COL27A1: variants seen among roughly 807,000 people sequenced by gnomAD.
COL27A1 encodes the protein collagen type XXVII alpha 1 chain, also known as collagen alpha-1(XXVII) chain.
COL27A1 carries 106 observed loss-of-function variants against 251.3 expected under a neutral mutation model. The observed-to-expected ratio is 0.42, with a 90% CI of 0.36 to 0.50. COL27A1 has a LOEUF of 0.50. Ranked by LOEUF, COL27A1 falls within the 20% of genes least tolerant of loss-of-function variation. The pLI, the probability that COL27A1 is intolerant of heterozygous loss-of-function variation, is 0.00. For missense variants in COL27A1, 2,325 were observed against 2,522.8 expected (o/e 0.92, Z 1.68); for synonymous variants, 1,000 against 986.3 (o/e 1.01, Z -0.26).
intron 10 of COL27A1, among the ~76,000 whole-genome samples, chr9:114,207,187 C>T (rs1489320960): frequency 6.6e-6 from 1 of 152,190 alleles, no homozygotes; most frequent in Non-Finnish European, 1.5e-5. Flanking sequence ...GTATCCTTTG[C>T]TCCTGAGCCA....
At chr9:114,178,262 C>G in intron 3 of COL27A1, 29 bp from the exon 4 acceptor site, 1 of 1,604,488 alleles carries the variant, frequency 6.2e-7, no homozygotes, top group South Asian at 1.1e-5. Context: ...TGGGCACTGT[C>G]TAATGCTGTC....
At chr9:114,239,631 T>C (rs1029609608) in intron 19 of COL27A1, among the ~76,000 whole-genome samples, 6 of 152,164 alleles carry the variant, frequency 3.9e-5, no homozygotes, top group African/African-American at 1.4e-4. Flanking sequence ...GGAAGAACCT[T>C]CTATTGTACA....
rs10982088 is a variant in COL27A1 at position 114,166,444 on chromosome 9, T to C, written c.134-1245T>C. The stretch of plus-strand genomic sequence containing the variant: ...CCATTCATCCATCCATCCATTCATC[T>C]ATCCATCCATCCATCCATCCATCCA... On this transcript the variant is annotated intron_variant, in intron 2 of 60. Coordinates refer to ENST00000356083, the MANE Select transcript of COL27A1 (RefSeq NM_032888.4). Among the ~76,000 whole-genome samples, 12 of 140,950 alleles carry C rather than the reference T, an allele frequency of 8.5e-5. No individual in the cohort carries two copies. The South Asian group carries it at 1.4e-3, about 16-fold the overall frequency. 92.5% of individuals were successfully genotyped at this position (140,950 alleles called of 152,430 possible). A position where few individuals can be genotyped will look rare whatever the true frequency, so the allele number is the denominator to read the frequency against.
intron 24 of COL27A1, 62 bp from the exon 25 acceptor site, chr9:114,250,553 G>A: frequency 6.7e-7 from 1 of 1,486,136 alleles, no homozygotes; most frequent in South Asian, 1.1e-5. Context: ...AGGGGAAGGA[G>A]CGGGAGGGCT....
intron 7 of COL27A1, 37 bp from the exon 8 acceptor site, chr9:114,205,065 C>A (rs754410853): frequency 6.2e-7 from 1 of 1,609,884 alleles, no homozygotes; most frequent in Non-Finnish European, 8.5e-7. Flanking sequence ...CCAGATGTGT[C>A]CTCCCTGCCT....
At chr9:114,180,544 A>T (rs930077567) in intron 4 of COL27A1, among the ~76,000 whole-genome samples, 1 of 152,132 alleles carries the variant, frequency 6.6e-6, no homozygotes, top group African/African-American at 2.4e-5. Flanking sequence ...AATTCCATAG[A>T]TTATAAAATT....
intron 23 of COL27A1, among the ~76,000 whole-genome samples, chr9:114,244,525 C>CAGAT (rs1832980066): frequency 1.3e-5 from 2 of 152,152 alleles, no homozygotes; most frequent in African/African-American, 4.8e-5. Context: ...AAAAGATTGT[C>CAGAT]GGGTCAAGTT....
chr9:114,220,830 C>A (rs1831050726), intron 13 of COL27A1, among the ~76,000 whole-genome samples: 1 of 152,128 alleles, frequency 6.6e-6, no homozygotes, highest in Admixed American at 6.5e-5. Flanking sequence ...CCCGTCTCTA[C>A]TAAAAATACA....
At chr9:114,240,355 A>G in intron 20 of COL27A1, 79 bp from the exon 21 acceptor site, 1 of 1,587,932 alleles carries the variant, frequency 6.3e-7, no homozygotes, top group Admixed American at 1.7e-5. Context: ...CTGGCTTGGA[A>G]GCAGGGGTTG....
At position 114,240,200 on chromosome 9, in the gene COL27A1, T is replaced by G; in HGVS notation, c.2728-20T>G. On this transcript the variant is annotated intron_variant, in intron 19 of 60. Coordinates refer to ENST00000356083, the MANE Select transcript of COL27A1 (RefSeq NM_032888.4). ...CCTTCACAGCCCCCGTGGGTGACCC[T>G]GCTCTCTGCTTCCCCTCAGGGATTC... The G allele has an allele frequency of 6.2e-7, 1 of 1,611,856 alleles. No homozygotes were observed. The highest frequency in any genetic ancestry group is 8.5e-7 in the Non-Finnish European group (1 of 1,178,212).
intron 49 of COL27A1, among the ~76,000 whole-genome samples, chr9:114,296,426 T>C (rs1828261494): frequency 2.0e-5 from 3 of 152,210 alleles, no homozygotes; most frequent in Non-Finnish European, 4.4e-5. Context: ...GAAAGTATAC[T>C]GATAGCAAAT....
intron 23 of COL27A1, among the ~76,000 whole-genome samples, 154 bp from the exon 24 acceptor site, chr9:114,245,712 C>T (rs1234796949): frequency 6.6e-6 from 1 of 152,146 alleles, no homozygotes; most frequent in Non-Finnish European, 1.5e-5. Context: ...TGACTCTGCC[C>T]ATTTGTTGGG....
chr9:114,267,026 T>C (rs1327857797), intron 33 of COL27A1, among the ~76,000 whole-genome samples: 1 of 152,116 alleles, frequency 6.6e-6, no homozygotes, highest in Non-Finnish European at 1.5e-5. Context: ...ACCCCTGCCT[T>C]ATCCAGAGGG....
chr9:114,234,538 T>G (rs1232635805), intron 16 of COL27A1, among the ~76,000 whole-genome samples: 2 of 151,940 alleles, frequency 1.3e-5, no homozygotes, highest in African/African-American at 4.8e-5. Flanking sequence ...CTGTGTGAGG[T>G]GGTTTCGGCC....
intron 5 of COL27A1, among the ~76,000 whole-genome samples, chr9:114,192,036 C>T (rs944254703): frequency 1.3e-5 from 2 of 152,172 alleles, no homozygotes. Context: ...TGGCTTGTAG[C>T]ATCTGTACTT....
In COL27A1 at chr9:114,239,388, C is replaced by T. The variant is rs912312864; in HGVS notation, c.2728-832C>T. ...GGTTCCATTTAAACTTAAGACTAGC[C>T]CTGTAAGGGAGGTGTTACGAGCACC... On this transcript the variant is annotated intron_variant, in intron 19 of 60. Transcript: ENST00000356083. Among the ~76,000 whole-genome samples, 4 of 152,262 alleles carry T rather than the reference C, an allele frequency of 2.6e-5. No homozygotes were observed. In the South Asian group the frequency reaches 8.3e-4, roughly 32 times the overall value.
At chr9:114,288,269 A>G (rs1827652212) in intron 41 of COL27A1, among the ~76,000 whole-genome samples, 186 bp from the exon 42 acceptor site, 1 of 152,148 alleles carries the variant, frequency 6.6e-6, no homozygotes, top group African/African-American at 2.4e-5. Context: ...TCTGTGTTCC[A>G]CAGTCCTGGT....
intron 5 of COL27A1, 23 bp from the exon 6 acceptor site, chr9:114,194,381 A>T (rs1828961068): frequency 5.0e-6 from 8 of 1,613,220 alleles, no homozygotes; most frequent in Non-Finnish European, 5.9e-6. Context: ...TTGGTGGCCA[A>T]AGTGGAATTG....
chr9:114,219,090 C>T (rs1383179252), intron 12 of COL27A1, among the ~76,000 whole-genome samples: 5 of 152,166 alleles, frequency 3.3e-5, no homozygotes, highest in African/African-American at 1.2e-4. Context: ...CTGTCCCCGG[C>T]CCCCGAAGGC....
Sources: allele counts gnomAD v4.1 joint callset (sites outside exome capture counted in the v4.1 genomes callset), GRCh38; gene constraint gnomAD v4.1.1; transcripts MANE v1.5; gene names NCBI Gene and HGNC (gene_info 2026-07-23, HGNC 2026-07-21).